Variants in CCNY observed in about 807,000 individuals in gnomAD.
CCNY encodes cyclin Y, also known as cyclin-Y.
CCNY carries 19 observed loss-of-function variants against 42.8 expected under a neutral mutation model. That is an observed-to-expected ratio of 0.44 (90% CI 0.31 to 0.65). The LOEUF is 0.65. CCNY is among the 30% of genes least tolerant of loss of function. CCNY has a pLI of 0.07. For missense variants in CCNY, 370 were observed against 437.3 expected (o/e 0.85, Z 1.37); for synonymous variants, 165 against 162.7 (o/e 1.01, Z -0.11).
intron 1 of CCNY, among the ~76,000 whole-genome samples, chr10:35,481,891 T>C (rs1839676869): frequency 6.6e-6 from 1 of 152,176 alleles, no homozygotes; most frequent in Non-Finnish European, 1.5e-5. Context: ...TTGAAGCAAA[T>C]TCAAAAAATT....
At chr10:35,306,367 G>T (rs747732637) in intron 3 of CCNY, among the ~76,000 whole-genome samples, 1 of 152,204 alleles carries the variant, frequency 6.6e-6, no homozygotes, top group Admixed American at 6.5e-5. Flanking sequence ...AGCACAGCAT[G>T]GAAGTTGGCG....
intron 2 of CCNY, among the ~76,000 whole-genome samples, chr10:35,491,469 A>T (rs578221457): frequency 6.6e-6 from 1 of 152,258 alleles, no homozygotes; most frequent in African/African-American, 2.4e-5. Flanking sequence ...CCGTCCTGCC[A>T]GTGTAAGCAT....
Position 35,430,276 on chromosome 10 carries a change from G to A in CCNY, c.155-53128G>A, listed in dbSNP as rs371283021. On this transcript the variant is annotated intron_variant, in intron 1 of 9. Coordinates refer to ENST00000374704, the MANE Select transcript of CCNY (RefSeq NM_145012.6). Reference sequence around the variant, plus strand: ...GGCGTGAACCCGGGAGGCGGAGCTTGCAGTGAGCCGAGATCCCGCCACTGC... The same window carrying A: ...GGCGTGAACCCGGGAGGCGGAGCTTACAGTGAGCCGAGATCCCGCCACTGC... 1.9e-3 allele frequency among the ~76,000 whole-genome samples: 267 copies of A among 143,252 alleles called. 1 individual carries two copies. Among genetic ancestry groups the A allele is most frequent in the African/African-American group, 6.5e-3 (252 of 38,678 alleles). The allele number at this position is 143,252 out of a possible 152,430, so 94.0% of individuals were successfully genotyped here. A position where few individuals can be genotyped will look rare whatever the true frequency, so the allele number is the denominator to read the frequency against.
At chr10:35,396,530 C>T (rs572376998) in intron 1 of CCNY, among the ~76,000 whole-genome samples, 20 of 152,330 alleles carry the variant, frequency 1.3e-4, no homozygotes, top group East Asian at 1.2e-3. Flanking sequence ...CAGGGTGCCC[C>T]GATGTTCTCA....
At chr10:35,331,438 G>C (rs1835942625) in intron 3 of CCNY, among the ~76,000 whole-genome samples, 1 of 152,234 alleles carries the variant, frequency 6.6e-6, no homozygotes, top group African/African-American at 2.4e-5. Context: ...ACTTGCAGTG[G>C]TGAGGTAGAT....
intron 7 of CCNY, among the ~76,000 whole-genome samples, chr10:35,532,104 G>A (rs570278899): frequency 1.3e-5 from 2 of 152,364 alleles, no homozygotes; most frequent in South Asian, 2.1e-4. Context: ...GGAGGCCTTC[G>A]TGGTAGGTGC....
chr10:35,319,657 C>T (rs1248009504), intron 3 of CCNY, among the ~76,000 whole-genome samples: 21 of 152,054 alleles, frequency 1.4e-4, no homozygotes, highest in African/African-American at 3.9e-4. Context: ...GGGTGAATTA[C>T]GAGGTCAGGA....
intron 7 of CCNY, among the ~76,000 whole-genome samples, chr10:35,548,822 C>T (rs1564454559): frequency 1.3e-5 from 2 of 152,094 alleles, no homozygotes; most frequent in Admixed American, 6.6e-5. Context: ...ATCCACACAG[C>T]TCGAACCTGT....
intron 3 of CCNY, among the ~76,000 whole-genome samples, chr10:35,271,363 G>C (rs948859744): frequency 2.6e-5 from 4 of 152,104 alleles, no homozygotes; most frequent in African/African-American, 9.7e-5. Context: ...AACTTCAGGG[G>C]GAGCCATTCA....
At chr10:35,518,946 T>C (rs17602055) in intron 4 of CCNY, among the ~76,000 whole-genome samples, 23 of 142,766 alleles carry the variant, frequency 1.6e-4, no homozygotes, top group African/African-American at 4.5e-4. Flanking sequence ...CTGGCTGAGG[T>C]ATACTGTGGG....
At chr10:35,271,648 C>T (rs561803585) in intron 3 of CCNY, among the ~76,000 whole-genome samples, 1 of 152,334 alleles carries the variant, frequency 6.6e-6, no homozygotes, top group African/African-American at 2.4e-5. Context: ...GAGCTTCCCA[C>T]TCTGCACCTC....
At chr10:35,476,524 C>T (rs1050882522) in intron 1 of CCNY, among the ~76,000 whole-genome samples, 6 of 152,002 alleles carry the variant, frequency 3.9e-5, no homozygotes, top group African/African-American at 9.7e-5. Context: ...ACAACCTGCT[C>T]CTGAATGACT....
intron 1 of CCNY, among the ~76,000 whole-genome samples, chr10:35,441,765 C>T (rs929997058): frequency 6.6e-6 from 1 of 152,006 alleles, no homozygotes; most frequent in African/African-American, 2.4e-5. Flanking sequence ...AAAGAAAAAG[C>T]AGTAGGTTAT....
chr10:35,539,547 G>T (rs1840955471), intron 7 of CCNY, among the ~76,000 whole-genome samples: 1 of 152,184 alleles, frequency 6.6e-6, no homozygotes, highest in Non-Finnish European at 1.5e-5. Flanking sequence ...CCAGCAGTTT[G>T]GGAGGCTGAG....
chr10:35,493,801 G>A (rs1391782494), intron 2 of CCNY, among the ~76,000 whole-genome samples: 1 of 152,142 alleles, frequency 6.6e-6, no homozygotes, highest in African/African-American at 2.4e-5. Flanking sequence ...ATCCATCAAA[G>A]CACCGAGCCC....
chr10:35,386,606 G>A (rs1837304186), intron 1 of CCNY, among the ~76,000 whole-genome samples: 1 of 152,144 alleles, frequency 6.6e-6, no homozygotes, highest in South Asian at 2.1e-4. Context: ...TGACTTAAAT[G>A]GACTCGGGAG....
At chr10:35,406,719 T>C (rs1317237954) in intron 1 of CCNY, among the ~76,000 whole-genome samples, 1 of 152,220 alleles carries the variant, frequency 6.6e-6, no homozygotes, top group African/African-American at 2.4e-5. Flanking sequence ...ACTGTCATCA[T>C]GGCCTGTTCT....
chr10:35,383,968 A>G (rs1383561779), intron 1 of CCNY, among the ~76,000 whole-genome samples: 4 of 152,006 alleles, frequency 2.6e-5, no homozygotes, highest in Non-Finnish European at 5.9e-5. Flanking sequence ...ATATATATAT[A>G]TATTAAGTAA....
rs1309120757 is a variant in CCNY at position 35,252,583 on chromosome 10, AAAAAAAAAAT to A, written c.-9+1958_-9+1967del. On this transcript the variant is annotated intron_variant, in intron 3 of 11. Transcript: ENST00000374706. Reference sequence around the variant, plus strand: ...TCCGTCTCAAAAAAAAAAAAAAAAAAAAAAAAAAATGAGAATATCCTTTGCACTTGCATTG... The same window carrying A: ...TCCGTCTCAAAAAAAAAAAAAAAAAAGAGAATATCCTTTGCACTTGCATTG... Among the ~76,000 whole-genome samples the A allele has an allele frequency of 4.0e-5, 6 of 149,958 alleles. 1 individual carries two copies. Among genetic ancestry groups the A allele is most frequent in the Admixed American group, 1.3e-4 (2 of 14,972 alleles).
Sources: gnomAD v4.1 joint callset for allele counts (sites outside exome capture counted in the v4.1 genomes callset) on GRCh38, gnomAD v4.1.1 for gene constraint, MANE v1.5 for transcripts, NCBI Gene and HGNC (gene_info 2026-07-23, HGNC 2026-07-21) for gene names.